CADPS2: variants seen among roughly 807,000 people sequenced by gnomAD.
CADPS2 encodes the protein calcium dependent secretion activator 2.
CADPS2 carries 93 observed loss-of-function variants against 172.5 expected under a neutral mutation model. That is an observed-to-expected ratio of 0.54 (90% confidence interval 0.46 to 0.64). CADPS2 has a LOEUF of 0.64. CADPS2 is among the 30% of genes least tolerant of loss of function. The pLI is 0.00. For missense variants in CADPS2, 1,420 were observed against 1,565.9 expected (o/e 0.91, Z 1.57); for synonymous variants, 546 against 555.2 (o/e 0.98, Z 0.23).
chr7:122,508,461 T>G (rs1316875532), intron 9 of CADPS2, among the ~76,000 whole-genome samples: 1 of 124,752 alleles, frequency 8.0e-6, no homozygotes, highest in Non-Finnish European at 1.6e-5. Context: ...TTTTTTTTTT[T>G]TTTTTTTTTT....
At chr7:122,326,646 T>A (rs933891918) in intron 28 of CADPS2, among the ~76,000 whole-genome samples, 2 of 152,042 alleles carry the variant, frequency 1.3e-5, no homozygotes, top group Non-Finnish European at 2.9e-5. Context: ...TGTGTGTGCA[T>A]ACGTTCTAAA....
chr7:122,655,237 G>A (rs1417337004), intron 3 of CADPS2, among the ~76,000 whole-genome samples: 1 of 152,216 alleles, frequency 6.6e-6, no homozygotes. Context: ...CAGTGGCAGG[G>A]TATGAGAGGA....
Position 122,886,415 on chromosome 7 carries a change from G to A in CADPS2, c.-78C>T. 1 of 1,423,722 alleles carries A rather than the reference G, an allele frequency of 7.0e-7. No individual in the cohort carries two copies. Among genetic ancestry groups the A allele is most frequent in the Non-Finnish European group, 9.1e-7 (1 of 1,102,114 alleles). 88.2% of individuals were successfully genotyped at this position (1,423,722 alleles called of 1,614,324 possible). On this transcript the variant is annotated 5_prime_UTR_variant, in exon 1 of 30. Transcript: ENST00000449022. The stretch of plus-strand genomic sequence containing the variant: ...CGGCGGCTGCGCCCGCGGGTCTGAG[G>A]GAGCCGCGGGGCTGGCTGCAGCGGC...
chr7:122,829,365 C>G (rs75983695), intron 1 of CADPS2, among the ~76,000 whole-genome samples: 3,445 of 152,292 alleles, frequency 0.023, 57 homozygotes, highest in Non-Finnish European at 0.032. Context: ...TAGAAATGCT[C>G]TCCCCTTCAC....
At chr7:122,746,332 T>G (rs992400765) in intron 1 of CADPS2, among the ~76,000 whole-genome samples, 5 of 152,080 alleles carry the variant, frequency 3.3e-5, no homozygotes, top group African/African-American at 1.2e-4. Context: ...GTTTTAAGTT[T>G]GAAATACCAG....
intron 1 of CADPS2, among the ~76,000 whole-genome samples, chr7:122,783,085 G>A (rs769723254): frequency 2.0e-4 from 30 of 151,626 alleles, no homozygotes; most frequent in Admixed American, 3.3e-4. Context: ...GGTGGTGGGC[G>A]GGCGCCTGTG....
intron 1 of CADPS2, among the ~76,000 whole-genome samples, chr7:122,788,800 T>A (rs544473291): frequency 6.6e-6 from 1 of 152,200 alleles, no homozygotes; most frequent in Non-Finnish European, 1.5e-5. Context: ...CTGGAGGTCA[T>A]AGAGCTCCAC....
chr7:122,335,795 A>G (rs1026174044), intron 28 of CADPS2, among the ~76,000 whole-genome samples: 5 of 152,186 alleles, frequency 3.3e-5, no homozygotes, highest in Non-Finnish European at 5.9e-5. Flanking sequence ...TTAAACAAAT[A>G]GGGATTATTT....
intron 2 of CADPS2, among the ~76,000 whole-genome samples, chr7:122,732,273 T>C (rs2091719110): frequency 6.6e-6 from 1 of 151,038 alleles, no homozygotes; most frequent in Non-Finnish European, 1.5e-5. Flanking sequence ...CATACCAAGA[T>C]CCCAGGTATT....
chr7:122,684,663 C>A (rs1196283476), intron 2 of CADPS2, among the ~76,000 whole-genome samples: 1 of 151,906 alleles, frequency 6.6e-6, no homozygotes, highest in African/African-American at 2.4e-5. Context: ...TCAAAAAAAC[C>A]TTTCACTTGA....
chr7:122,439,838 C>T (rs1394296910), intron 16 of CADPS2, among the ~76,000 whole-genome samples: 4 of 152,148 alleles, frequency 2.6e-5, no homozygotes, highest in Non-Finnish European at 2.9e-5. Flanking sequence ...TGCGGAACCA[C>T]GAACGTTACT....
chr7:122,559,586 A>T (rs923221481), intron 7 of CADPS2, among the ~76,000 whole-genome samples: 1 of 152,026 alleles, frequency 6.6e-6, no homozygotes, highest in Admixed American at 6.6e-5. Context: ...CCTGACCAAC[A>T]TAGTGAAACC....
chr7:122,883,965 A>C (rs1466594790), intron 1 of CADPS2, among the ~76,000 whole-genome samples: 2 of 152,212 alleles, frequency 1.3e-5, no homozygotes, highest in Non-Finnish European at 2.9e-5. Context: ...GCCAATTCAA[A>C]TAATTTTGAA....
chr7:122,748,121 C>G (rs932073791), intron 1 of CADPS2, among the ~76,000 whole-genome samples: 2 of 152,094 alleles, frequency 1.3e-5, no homozygotes, highest in African/African-American at 4.8e-5. Context: ...TTCACTATTA[C>G]TTTTTGAAGA....
chr7:122,347,602 A>G (rs935044481), intron 27 of CADPS2, among the ~76,000 whole-genome samples: 1 of 152,182 alleles, frequency 6.6e-6, no homozygotes, highest in African/African-American at 2.4e-5. Flanking sequence ...TTCATACACA[A>G]TGTTGGCTAT....
chr7:122,869,219 A>G (rs1260318600), intron 1 of CADPS2, among the ~76,000 whole-genome samples: 4 of 152,118 alleles, frequency 2.6e-5, no homozygotes, highest in African/African-American at 2.4e-5. Context: ...GACACCTAAT[A>G]TGATGAATCC....
chr7:122,780,587 A>T (rs1235237057), intron 1 of CADPS2, among the ~76,000 whole-genome samples: 2 of 152,066 alleles, frequency 1.3e-5, no homozygotes, highest in Admixed American at 1.3e-4. Context: ...TCCTCTATCT[A>T]GAGTGCAGCC....
intron 6 of CADPS2, among the ~76,000 whole-genome samples, chr7:122,609,547 A>G (rs2074028357): frequency 6.6e-6 from 1 of 152,176 alleles, no homozygotes; most frequent in African/African-American, 2.4e-5. Context: ...TATTTTACAA[A>G]ATAAAAATTA....
chr7:122,652,210 T>A (rs1052137583), intron 3 of CADPS2, among the ~76,000 whole-genome samples: 1 of 152,198 alleles, frequency 6.6e-6, no homozygotes, highest in Non-Finnish European at 1.5e-5. Flanking sequence ...AGGTTCCTAT[T>A]ATTTAACACA....
Sources: gnomAD v4.1 joint callset for allele counts (sites outside exome capture counted in the v4.1 genomes callset) on GRCh38, gnomAD v4.1.1 for gene constraint, MANE v1.5 for transcripts, NCBI Gene and HGNC (gene_info 2026-07-23, HGNC 2026-07-21) for gene names.